Variants in GABRG3 observed in about 807,000 individuals in gnomAD.
GABRG3 encodes gamma-aminobutyric acid type A receptor subunit gamma3.
A neutral mutation model predicts 48.8 loss-of-function variants in GABRG3; 25 were observed. The observed-to-expected ratio is 0.51, with a 90% CI of 0.37 to 0.72. The LOEUF (loss-of-function observed/expected upper bound fraction) is 0.72. Among genes scored for constraint, GABRG3 ranks in the 30% least tolerant of loss-of-function variants. GABRG3 has a pLI of 0.00. For missense variants in GABRG3, 394 were observed against 577.9 expected (o/e 0.68, Z 3.26); for synonymous variants, 227 against 217.6 (o/e 1.04, Z -0.38).
intron 5 of GABRG3, among the ~76,000 whole-genome samples, chr15:27,399,291 A>G (rs763466405): frequency 4.6e-5 from 7 of 152,206 alleles, no homozygotes; most frequent in Non-Finnish European, 1.0e-4. Flanking sequence ...ATGGAAAAAT[A>G]AATGGATGTC....
In GABRG3 at chr15:27,364,895, G is replaced by A. The variant is rs549425820; in HGVS notation, c.574+36007G>A. ...TATTGCTACTTATCTCAGATGTGTC[G>A]TGACTTTTTTAGCCTTTTTGTTTTA... On this transcript the variant is annotated intron_variant, in intron 5 of 9. Transcript: ENST00000615808. The A allele has an allele frequency of 6.6e-5, 10 of 152,286 alleles. 1 individual carries two copies. In the East Asian group the frequency reaches 1.2e-3, roughly 18 times the overall value. 9.4% of individuals were successfully genotyped at this position (152,286 alleles called of 1,614,324 possible).
intron 2 of GABRG3, among the ~76,000 whole-genome samples, chr15:26,984,526 A>G (rs772101034): frequency 3.9e-5 from 6 of 152,152 alleles, no homozygotes; most frequent in Non-Finnish European, 8.8e-5. Context: ...ACTAACTTCT[A>G]AATTATGGAT....
chr15:27,045,822 G>A (rs2140704471), intron 3 of GABRG3, among the ~76,000 whole-genome samples: 1 of 152,328 alleles, frequency 6.6e-6, no homozygotes, highest in African/African-American at 2.4e-5. Flanking sequence ...TTCCTCCGGA[G>A]GCAGCGTGGG....
At chr15:27,060,840 T>G (rs1595499847) in intron 3 of GABRG3, among the ~76,000 whole-genome samples, 1 of 152,346 alleles carries the variant, frequency 6.6e-6, no homozygotes, top group East Asian at 1.9e-4. Context: ...TTTTTATATG[T>G]CTCTCTTCAG....
chr15:27,119,198 C>G (rs1184881666), intron 3 of GABRG3, among the ~76,000 whole-genome samples: 2 of 152,132 alleles, frequency 1.3e-5, no homozygotes, highest in Non-Finnish European at 2.9e-5. Flanking sequence ...TCCTTTCATC[C>G]AATTACACCT....
intron 2 of GABRG3, among the ~76,000 whole-genome samples, chr15:27,003,476 C>T (rs1199555209): frequency 7.4e-4 from 112 of 151,772 alleles, no homozygotes; most frequent in African/African-American, 2.4e-3. Context: ...CATCTTGCAC[C>T]GCCCTTAATC....
intron 3 of GABRG3, among the ~76,000 whole-genome samples, chr15:27,029,653 T>G (rs781392461): frequency 1.6e-4 from 24 of 152,164 alleles, no homozygotes; most frequent in Non-Finnish European, 2.6e-4. Context: ...CCGACTAGTG[T>G]GAGGCATTGT....
intron 7 of GABRG3, among the ~76,000 whole-genome samples, chr15:27,523,890 T>A (rs1483560638): frequency 6.6e-6 from 1 of 151,872 alleles, no homozygotes; most frequent in Non-Finnish European, 1.5e-5. Flanking sequence ...TTGACACAAA[T>A]ATTGGAGAGG....
At chr15:27,448,138 A>T (rs190377432) in intron 5 of GABRG3, among the ~76,000 whole-genome samples, 1 of 152,146 alleles carries the variant, frequency 6.6e-6, no homozygotes, top group South Asian at 2.1e-4. Flanking sequence ...TAAAAAAAGG[A>T]CAAATGGGTG....
At chr15:27,341,029 A>G (rs1354983548) in intron 5 of GABRG3, 2 of 502,810 alleles carry the variant, frequency 4.0e-6, no homozygotes, top group African/African-American at 1.9e-5. Flanking sequence ...TGAGAAATAA[A>G]CAGACTTCAG....
chr15:27,077,815 C>G (rs1896933456), intron 3 of GABRG3, among the ~76,000 whole-genome samples: 1 of 152,194 alleles, frequency 6.6e-6, no homozygotes, highest in Non-Finnish European at 1.5e-5. Context: ...GTATTTAAGG[C>G]TGAGTCCTAT....
intron 5 of GABRG3, among the ~76,000 whole-genome samples, chr15:27,393,815 A>T (rs1465320645): frequency 6.6e-6 from 1 of 152,202 alleles, no homozygotes; most frequent in Non-Finnish European, 1.5e-5. Flanking sequence ...ATAGAAAGGA[A>T]CAGAATGGCA....
chr15:26,980,417 C>A (rs1411007333), intron 2 of GABRG3, among the ~76,000 whole-genome samples: 1 of 152,052 alleles, frequency 6.6e-6, no homozygotes, highest in East Asian at 1.9e-4. Flanking sequence ...GTGGCTCATG[C>A]CTGTAGTCCC....
chr15:27,277,169 A>G (rs1891283395), intron 3 of GABRG3, among the ~76,000 whole-genome samples: 1 of 152,232 alleles, frequency 6.6e-6, no homozygotes, highest in Non-Finnish European at 1.5e-5. Flanking sequence ...TAGGCTGGCA[A>G]CAGAGAGACA....
chr15:27,437,041 A>G (rs1888639328), intron 5 of GABRG3, among the ~76,000 whole-genome samples: 1 of 144,680 alleles, frequency 6.9e-6, no homozygotes, highest in Admixed American at 6.8e-5. Flanking sequence ...GAGCGCCCAC[A>G]TTCTCATGAG....
At chr15:27,471,139 G>A (rs1200945642) in intron 5 of GABRG3, among the ~76,000 whole-genome samples, 9 of 152,216 alleles carry the variant, frequency 5.9e-5, no homozygotes, top group South Asian at 2.1e-4. Flanking sequence ...TTTAAAGATC[G>A]TTTAGGGGGT....
At chr15:27,293,065 G>A (rs1167713667) in intron 3 of GABRG3, among the ~76,000 whole-genome samples, 2 of 152,164 alleles carry the variant, frequency 1.3e-5, no homozygotes, top group Non-Finnish European at 2.9e-5. Context: ...GGGCGATGCC[G>A]TGAACTTGCA....
chr15:27,004,592 C>T (rs921087032), intron 2 of GABRG3, among the ~76,000 whole-genome samples: 10 of 152,198 alleles, frequency 6.6e-5, no homozygotes, highest in African/African-American at 2.4e-4. Flanking sequence ...GAGGCCAAGG[C>T]AGGCGGCTGG....
At chr15:27,515,540 T>TTTA (rs1890998945) in intron 6 of GABRG3, among the ~76,000 whole-genome samples, 1 of 152,082 alleles carries the variant, frequency 6.6e-6, no homozygotes, top group African/African-American at 2.4e-5. Context: ...TTTCAGAGAG[T>TTTA]ATTAAGCTTA....
Sources: allele counts gnomAD v4.1 joint callset (sites outside exome capture counted in the v4.1 genomes callset), GRCh38; gene constraint gnomAD v4.1.1; transcripts MANE v1.5; gene names NCBI Gene and HGNC (gene_info 2026-07-23, HGNC 2026-07-21).